GOLM2: variants seen among roughly 807,000 people sequenced by gnomAD.
GOLM2 encodes golgi membrane protein 2, also known as protein GOLM2.
In GOLM2, 26 loss-of-function variants were observed where a neutral mutation model predicts 55.9. The ratio of observed to expected loss-of-function variants is 0.47; its 90% CI spans 0.34 to 0.65. The LOEUF is 0.65. Among genes scored for constraint, GOLM2 ranks in the 30% least tolerant of loss-of-function variants. GOLM2 has a pLI of 0.01. For missense variants in GOLM2, 486 were observed against 531.8 expected, an observed-to-expected ratio of 0.91 and a Z score of 0.85; for synonymous variants, 165 against 194.6, an observed-to-expected ratio of 0.85 and a Z score of 1.27.
intron 9 of GOLM2, among the ~76,000 whole-genome samples, chr15:44,410,167 G>A (rs1051821885): frequency 4.6e-5 from 7 of 151,656 alleles, no homozygotes; most frequent in African/African-American, 1.5e-4. Context: ...GGCTGGGCGC[G>A]GTGTCTCATG....
At chr15:44,312,578 C>T (rs1024019146) in intron 1 of GOLM2, among the ~76,000 whole-genome samples, 1 of 152,164 alleles carries the variant, frequency 6.6e-6, no homozygotes, top group Non-Finnish European at 1.5e-5. Flanking sequence ...TTTTCAAAGA[C>T]TTTGTAGAAT....
At chr15:44,303,786 A>G (rs2078816246) in intron 1 of GOLM2, among the ~76,000 whole-genome samples, 1 of 139,222 alleles carries the variant, frequency 7.2e-6, no homozygotes. Flanking sequence ...ACCAGGCTGG[A>G]GTGCAGTGGT....
chr15:44,370,731 G>C (rs948565117), intron 6 of GOLM2, among the ~76,000 whole-genome samples: 1 of 152,194 alleles, frequency 6.6e-6, no homozygotes, highest in East Asian at 1.9e-4. Flanking sequence ...TGTGATTGTA[G>C]CTCACTGAAG....
In GOLM2 at chr15:44,289,332, C is replaced by G; in HGVS notation, c.303C>G (p.Leu101=). The change falls in exon 1 of 10, where the codon CTC becomes CTG. Residue 101 remains leucine (L), a synonymous_variant. Coordinates refer to ENST00000299957, the MANE Select transcript of GOLM2 (RefSeq NM_138423.4). This position sits in a 1 kb window ranked among gnomAD's most constrained non-coding sequence, Gnocchi z 4.8. ...LSSRLQAREG[L]GKRCEDDKVK... is the part of the protein sequence containing the mutation. ...GCCGGCTGCAGGCCAGAGAGGGCCTCGGGAAGAGATGCGAGGATGACAAGG... is the reference window on the plus strand; with the variant it reads ...GCCGGCTGCAGGCCAGAGAGGGCCTGGGGAAGAGATGCGAGGATGACAAGG... 6.2e-7 allele frequency: 1 copy of G among 1,612,892 alleles called. No individual in the cohort carries two copies. Among genetic ancestry groups the G allele is most frequent in the Non-Finnish European group, 8.5e-7 (1 of 1,179,586 alleles).
intron 9 of GOLM2, among the ~76,000 whole-genome samples, chr15:44,410,183 A>C (rs2079627952): frequency 1.3e-5 from 2 of 152,132 alleles, no homozygotes; most frequent in Non-Finnish European, 2.9e-5. Context: ...TCATGCCTGT[A>C]ATCCCAGCAC....
At chr15:44,385,979 T>A (rs1469668640) in intron 8 of GOLM2, among the ~76,000 whole-genome samples, 1 of 152,218 alleles carries the variant, frequency 6.6e-6, no homozygotes, top group Non-Finnish European at 1.5e-5. Flanking sequence ...TTTTGCACAG[T>A]CTATGGGTTG....
Position 44,289,185 on chromosome 15 carries a change from G to C in GOLM2, c.156G>C (p.Gln52His), listed in dbSNP as rs1408796112. 6.2e-7 allele frequency: 1 copy of C among 1,614,216 alleles called. No individual in the cohort carries two copies. Among genetic ancestry groups the C allele is most frequent in the Non-Finnish European group, 8.5e-7 (1 of 1,180,028 alleles). ...AGGAGGTGGCCGAGCTGCAGGGCCAGGTCCAGCGCACCGAAGTGGCCCGCG... is the reference window on the plus strand; with the variant it reads ...AGGAGGTGGCCGAGCTGCAGGGCCACGTCCAGCGCACCGAAGTGGCCCGCG... ...LQEEVAELQGQVQRTEVARGR... is the reference protein window; with the variant it reads ...LQEEVAELQGHVQRTEVARGR... The change falls in exon 1 of 10, where the codon CAG becomes CAC. Residue 52 changes from glutamine (Q) to histidine (H), a missense_variant. Gln to His is a conservative substitution (Grantham distance 24). Coordinates refer to ENST00000299957, the MANE Select transcript of GOLM2 (RefSeq NM_138423.4). The surrounding 1 kb of genome is among the most constrained non-coding windows in gnomAD (Gnocchi z 4.8).
intron 8 of GOLM2, among the ~76,000 whole-genome samples, chr15:44,401,684 T>G (rs191198734): frequency 6.6e-6 from 1 of 152,354 alleles, no homozygotes; most frequent in African/African-American, 2.4e-5. Flanking sequence ...ACTTTTATGC[T>G]AAGTTAAACT....
At chr15:44,372,916 G>C (rs1022184718) in intron 6 of GOLM2, among the ~76,000 whole-genome samples, 1 of 152,022 alleles carries the variant, frequency 6.6e-6, no homozygotes, top group Non-Finnish European at 1.5e-5. Flanking sequence ...CTTCCTCCAA[G>C]TTTCATTCAT....
At chr15:44,362,490 G>A (rs1378438156) in intron 6 of GOLM2, among the ~76,000 whole-genome samples, 13 of 151,222 alleles carry the variant, frequency 8.6e-5, no homozygotes, top group East Asian at 3.9e-4. Context: ...TACAAGGGAC[G>A]TGAAGGACCT....
chr15:44,413,302 AT>A (rs2141223612), intron 9 of GOLM2, 33 bp from the exon 10 acceptor site: 3 of 1,514,456 alleles, frequency 2.0e-6, no homozygotes, highest in East Asian at 2.3e-5. Context: ...GATTTAAAAA[AT>A]AATATGTTGA....
chr15:44,364,435 C>G (rs1028613988), intron 6 of GOLM2, among the ~76,000 whole-genome samples: 2 of 152,214 alleles, frequency 1.3e-5, no homozygotes, highest in Non-Finnish European at 2.9e-5. Flanking sequence ...CTTTGGGAGG[C>G]TGAGGCAGGA....
At chr15:44,359,168 TAAAG>T (rs1015055242) in intron 6 of GOLM2, among the ~76,000 whole-genome samples, 8 of 148,464 alleles carry the variant, frequency 5.4e-5, no homozygotes, top group African/African-American at 9.9e-5. Flanking sequence ...ATAATAATAA[TAAAG>T]AAAAAGATTT....
chr15:44,402,758 G>T, intron 8 of GOLM2, 129 bp from the exon 9 acceptor site: 1 of 705,388 alleles, frequency 1.4e-6, no homozygotes. Flanking sequence ...TTCACAAAAT[G>T]TATCCTTTTA....
chr15:44,298,140 A>T (rs1243056411), intron 1 of GOLM2, among the ~76,000 whole-genome samples: 1 of 151,776 alleles, frequency 6.6e-6, no homozygotes, highest in Non-Finnish European at 1.5e-5. Flanking sequence ...AAGTGCTGGG[A>T]TTACAGGCAT....
intron 4 of GOLM2, among the ~76,000 whole-genome samples, chr15:44,334,696 A>T (rs747518309): frequency 6.6e-6 from 1 of 152,190 alleles, no homozygotes; most frequent in Admixed American, 6.5e-5. Context: ...GGGCAGAGAA[A>T]CTCTCATAGC....
rs1344319431 is a variant in GOLM2 at position 44,380,827 on chromosome 15, G to A, written c.923G>A (p.Gly308Glu). Residue 308 changes from glycine (G) to glutamate (E), a missense_variant, in exon 8 of 10, where the codon GGA becomes GAA. Coordinates refer to ENST00000299957, the MANE Select transcript of GOLM2 (RefSeq NM_138423.4). Reference protein sequence around the residue: ...MPPDSHINHNGNPGTSKQNPS... With the variant: ...MPPDSHINHNENPGTSKQNPS... ...ACAGATTCACACATAAACCACAATG[G>A]AAACCCCGGTACTTCAAAACAGAAT... is the stretch of plus-strand genomic sequence containing the variant. The A allele has an allele frequency of 1.3e-6, 2 of 1,551,614 alleles. No homozygotes were observed.
chr15:44,398,832 A>G (rs900456095), intron 8 of GOLM2, among the ~76,000 whole-genome samples: 11 of 151,574 alleles, frequency 7.3e-5, no homozygotes, highest in African/African-American at 2.7e-4. Flanking sequence ...ACAGCCAGCT[A>G]ATTTTTTGTA....
chr15:44,293,573 T>C (rs572608860), intron 1 of GOLM2, among the ~76,000 whole-genome samples: 1 of 152,346 alleles, frequency 6.6e-6, no homozygotes, highest in Non-Finnish European at 1.5e-5. Flanking sequence ...TTATATAGAA[T>C]GTCCCTCAAT....
Sources: allele counts gnomAD v4.1 joint callset (sites outside exome capture counted in the v4.1 genomes callset), GRCh38; gene constraint gnomAD v4.1.1; non-coding constraint Gnocchi (gnomAD v3.1); transcripts MANE v1.5; gene names NCBI Gene and HGNC (gene_info 2026-07-23, HGNC 2026-07-21).